HLA-DOA: variants seen among roughly 807,000 people sequenced by gnomAD.
HLA-DOA encodes HLA class II histocompatibility antigen, DO alpha chain.
A neutral mutation model predicts 22.9 loss-of-function variants in HLA-DOA; 27 were observed. That is an observed-to-expected ratio of 1.18 (90% CI 0.87 to 1.62). The LOEUF is 1.62. HLA-DOA is among the 40% of genes most tolerant of loss of function. The pLI is 0.00. For synonymous variants in HLA-DOA, 137 were observed against 138.6 expected (o/e 0.99, Z 0.08); for missense variants, 324 against 332.4 (o/e 0.97, Z 0.20).
Position 33,008,294 on chromosome 6 carries a change from G to GA in HLA-DOA, c.83-34dup, listed in dbSNP as rs145896834. 2.7e-3 allele frequency: 4,268 copies of GA among 1,596,668 alleles called. 83 individuals are homozygous for GA. In the African/African-American group the frequency reaches 0.042, roughly 16 times the overall value. ...TGGCGAGTTCAGGGTCAAGGAGAGA[G>GA]AAAAAAATGTGTCTGTCTCATCCAC... On this transcript the variant is annotated intron_variant, in intron 1 of 4. Transcript: ENST00000229829.
rs9276975 is a variant in HLA-DOA, at chr6:33,005,822, C to T, written c.*1016G>A. 20,304 of 152,170 alleles carry T rather than the reference C, an allele frequency of 0.13. 1,477 individuals carry two copies. Among genetic ancestry groups the T allele is most frequent in the East Asian group, 0.19 (966 of 5,128 alleles). The allele number at this position is 152,170 out of a possible 1,614,324, so 9.4% of individuals were successfully genotyped here. On this transcript the variant is annotated 3_prime_UTR_variant, in exon 5 of 5. Transcript: ENST00000229829. The stretch of plus-strand genomic sequence containing the variant: ...TTTCCACCTCTTGGCCTCAAGCAGT[C>T]CTGTCCCCTTGGCCTCCCAAAGTGC...
In HLA-DOA at chr6:33,007,602, A is replaced by G. The variant is rs1562011917; in HGVS notation, c.332-10T>C. The G allele has an allele frequency of 6.2e-7, 1 of 1,606,714 alleles. No individual in the cohort carries two copies. On this transcript the variant is annotated splice_polypyrimidine_tract_variant and intron_variant, in intron 2 of 4. Transcript: ENST00000229829. ...GTCACCCGTGGAGGCACTAGGAGGAACAGGCCCTGAGTCCACAGGCTCATC... is the reference window on the plus strand; with the variant it reads ...GTCACCCGTGGAGGCACTAGGAGGAGCAGGCCCTGAGTCCACAGGCTCATC...
In HLA-DOA at chr6:33,006,659, A is replaced by C; in HGVS notation, c.*179T>G. The C allele has an allele frequency of 1.1e-6, 1 of 878,330 alleles. No homozygotes were observed. The highest frequency in any genetic ancestry group is 1.9e-6 in the Non-Finnish European group (1 of 535,502). The allele number at this position is 878,330 out of a possible 1,614,324, so 54.4% of individuals were successfully genotyped here. A position where few individuals can be genotyped will look rare whatever the true frequency, so the allele number is the denominator to read the frequency against. On this transcript the variant is annotated 3_prime_UTR_variant, in exon 5 of 5. Coordinates refer to ENST00000229829, the MANE Select transcript of HLA-DOA (RefSeq NM_002119.4). ...TGGGAAGGGAAGCTAGTAGGTGTCCAACAAACCCTGCCATGAATACTGGGG... is the reference window on the plus strand; with the variant it reads ...TGGGAAGGGAAGCTAGTAGGTGTCCCACAAACCCTGCCATGAATACTGGGG...
chr6:33,008,247 A>G lies in HLA-DOA; in HGVS notation c.97T>C (p.Ser33Pro), dbSNP rs771526168. Residue 33 changes from serine to proline, a missense_variant, in exon 2 of 5, where the codon TCC becomes CCC. Coordinates refer to ENST00000229829, the MANE Select transcript of HLA-DOA (RefSeq NM_002119.4). ...AGATKADHMG[S>P]YGPAFYQSYG... Reference sequence around the variant, plus strand: ...GACTGGTAGAAGGCGGGTCCGTAGGAGCCCATGTGGTCAGCTGTGTTTGGC... The same window carrying G: ...GACTGGTAGAAGGCGGGTCCGTAGGGGCCCATGTGGTCAGCTGTGTTTGGC... 2 of 1,612,928 alleles carry G rather than the reference A, an allele frequency of 1.2e-6. No homozygotes were observed. The highest frequency in any genetic ancestry group is 1.7e-6 in the Non-Finnish European group (2 of 1,180,002).
At chr6:33,006,873 G>C (rs2127549306) in intron 4 of HLA-DOA, 32 bp from the exon 5 acceptor site, 1 of 1,579,466 alleles carries the variant, frequency 6.3e-7, no homozygotes, top group South Asian at 1.1e-5. Flanking sequence ...GATCGAGGTT[G>C]CTCAATTTCA....
rs1280397189 is a variant in HLA-DOA at position 33,006,736 on chromosome 6, AC to A, written c.*101del. 1 of 1,599,432 alleles carries A rather than the reference AC, an allele frequency of 6.3e-7. No individual in the cohort carries two copies. Among genetic ancestry groups the A allele is most frequent in the Admixed American group, 1.7e-5 (1 of 60,006 alleles). The stretch of plus-strand genomic sequence containing the variant: ...GATGTTGATCCCACTCAAAGTCAGC[AC>A]AGCGGGATGCACTTAAAGGGCACTG... On this transcript the variant is annotated 3_prime_UTR_variant, in exon 5 of 5. Coordinates refer to ENST00000229829, the MANE Select transcript of HLA-DOA (RefSeq NM_002119.4).
In HLA-DOA at chr6:33,009,069, A is replaced by T. The variant is rs1780951257; in HGVS notation, c.82+386T>A. ...TCTCCCGAAGAACAAAGACAGGTAA[A>T]TAGTTAACTACCGGCATGGGCATAA... On this transcript the variant is annotated intron_variant, in intron 1 of 4. Transcript: ENST00000229829. This position sits in a 1 kb window ranked among gnomAD's most constrained non-coding sequence, Gnocchi z 4.8. Among the ~76,000 whole-genome samples the T allele has an allele frequency of 6.6e-6, 1 of 152,160 alleles. No individual in the cohort carries two copies. Among genetic ancestry groups the T allele is most frequent in the Non-Finnish European group, 1.5e-5 (1 of 68,024 alleles).
chr6:33,006,435 C>A lies in HLA-DOA; in HGVS notation c.*403G>T. 1 of 326,944 alleles carries A rather than the reference C, an allele frequency of 3.1e-6. No individual in the cohort carries two copies. Among genetic ancestry groups the A allele is most frequent in the Non-Finnish European group, 5.8e-6 (1 of 173,866 alleles). The allele number at this position is 326,944 out of a possible 1,614,324, so 20.3% of individuals were successfully genotyped here. On this transcript the variant is annotated 3_prime_UTR_variant, in exon 5 of 5. Coordinates refer to ENST00000229829, the MANE Select transcript of HLA-DOA (RefSeq NM_002119.4). ...AAGTCCATGTGAAATGGCTCATTCACAAAGTAACACACAATGGGCCAAATG... is the reference window on the plus strand; with the variant it reads ...AAGTCCATGTGAAATGGCTCATTCAAAAAGTAACACACAATGGGCCAAATG...
Position 33,005,109 on chromosome 6 carries a change from C to T in HLA-DOA, c.*1729G>A, listed in dbSNP as rs1263596097. On this transcript the variant is annotated 3_prime_UTR_variant, in exon 5 of 5. Coordinates refer to ENST00000229829, the MANE Select transcript of HLA-DOA (RefSeq NM_002119.4). ...GGGGATCCCCCTTTCCCATGACCCC[C>T]GATGGCACCTGATTACGTCACTGGG... 6.6e-6 allele frequency: 1 copy of T among 152,574 alleles called. No individual in the cohort carries two copies. The highest frequency in any genetic ancestry group is 1.9e-4 in the East Asian group (1 of 5,194). The allele number at this position is 152,574 out of a possible 1,614,324, so 9.5% of individuals were successfully genotyped here. A position where few individuals can be genotyped will look rare whatever the true frequency, so the allele number is the denominator to read the frequency against.
intron 4 of HLA-DOA, 115 bp downstream of exon 4, chr6:33,006,965 C>A: frequency 1.4e-6 from 2 of 1,480,596 alleles, no homozygotes; most frequent in Non-Finnish European, 1.9e-6. Flanking sequence ...TTTCTCCCTG[C>A]CCATTTCTTT....
Position 33,007,488 on chromosome 6 carries a change from T to A in HLA-DOA, c.436A>T (p.Thr146Ser). 1.2e-6 allele frequency: 2 copies of A among 1,612,716 alleles called. No individual in the cohort carries two copies. The highest frequency in any genetic ancestry group is 1.7e-6 in the Non-Finnish European group (2 of 1,179,908). ...ACAGTTTGGCCGTTGCGCAGCCAGG[T>A]GATATTGATCACAGGGGGGAAGATG... ...DNIFPPVINITWLRNGQTVTE... is the reference protein window; with the variant it reads ...DNIFPPVINISWLRNGQTVTE... Residue 146 changes from threonine to serine, a missense_variant, in exon 3 of 5, where the codon ACC (threonine) becomes TCC (serine). By Grantham distance (58) the Thr-to-Ser change is moderately conservative. Coordinates refer to ENST00000229829, the MANE Select transcript of HLA-DOA (RefSeq NM_002119.4).
Position 33,009,207 on chromosome 6 carries a change from A to G in HLA-DOA, c.82+248T>C, listed in dbSNP as rs761711979. On this transcript the variant is annotated intron_variant, in intron 1 of 4. Coordinates refer to ENST00000229829, the MANE Select transcript of HLA-DOA (RefSeq NM_002119.4). This position sits in a 1 kb window ranked among gnomAD's most constrained non-coding sequence, Gnocchi z 4.8. ...GAGGTTTGGGTCTCAGGAAGGAGGA[A>G]GGAATGAGGAGAAATCTGAACGTCA... Among the ~76,000 whole-genome samples, 1 of 152,096 alleles carries G rather than the reference A, an allele frequency of 6.6e-6. No individual in the cohort carries two copies.
rs145505686 is a variant in HLA-DOA at position 33,007,365 on chromosome 6, A to G, written c.559T>C (p.Tyr187His). The G allele has an allele frequency of 1.9e-6, 3 of 1,608,884 alleles. No homozygotes were observed. Among genetic ancestry groups the G allele is most frequent in the Non-Finnish European group, 2.5e-6 (3 of 1,177,300 alleles). Residue 187 changes from tyrosine to histidine, a missense_variant, in exon 3 of 5, where the codon TAT (tyrosine) becomes CAT (histidine). Tyr to His is a moderately conservative substitution (Grantham distance 83). Coordinates refer to ENST00000229829, the MANE Select transcript of HLA-DOA (RefSeq NM_002119.4). ...LPFVPSAEDVYDCQVEHWGLD... is the reference protein window; with the variant it reads ...LPFVPSAEDVHDCQVEHWGLD... ...CCCCAGTGCTCCACCTGGCAGTCATAGACGTCCTCGGCTGAGGGCACGAAG... is the reference window on the plus strand; with the variant it reads ...CCCCAGTGCTCCACCTGGCAGTCATGGACGTCCTCGGCTGAGGGCACGAAG...
intron 4 of HLA-DOA, 100 bp from the exon 5 acceptor site, chr6:33,006,941 C>G: frequency 6.9e-7 from 1 of 1,446,336 alleles, no homozygotes; most frequent in Non-Finnish European, 9.7e-7. Flanking sequence ...CTCTCTCACC[C>G]CACCTCTGCT....
chr6:33,007,471 G>A lies in HLA-DOA; in HGVS notation c.453C>T (p.Gly151=). 1 of 1,612,370 alleles carries A rather than the reference G, an allele frequency of 6.2e-7. No homozygotes were observed. The highest frequency in any genetic ancestry group is 1.3e-5 in the African/African-American group (1 of 75,066). Reference sequence around the variant, plus strand: ...GGGCCACTCCCTCAGTGACAGTTTGGCCGTTGCGCAGCCAGGTGATATTGA... The same window carrying A: ...GGGCCACTCCCTCAGTGACAGTTTGACCGTTGCGCAGCCAGGTGATATTGA... ...PVINITWLRN[G]QTVTEGVAQT... is the part of the protein sequence containing the mutation. The change falls in exon 3 of 5, where the codon GGC becomes GGT. Residue 151 remains glycine (G), a synonymous_variant. Transcript: ENST00000229829.
chr6:33,008,834 A>G (rs1308355682), intron 1 of HLA-DOA, among the ~76,000 whole-genome samples: 1 of 152,190 alleles, frequency 6.6e-6, no homozygotes, highest in East Asian at 1.9e-4. Context: ...CAATTCCTCC[A>G]TCTCAGAGCA....
At chr6:33,007,853 G>A (rs1349733710) in intron 2 of HLA-DOA, 160 bp downstream of exon 2, 2 of 1,043,286 alleles carry the variant, frequency 1.9e-6, no homozygotes, top group African/African-American at 3.2e-5. Context: ...GGGTGCCAAA[G>A]GGGTCTGGGA....
Position 33,007,368 on chromosome 6 carries a change from C to T in HLA-DOA, c.556G>A (p.Val186Ile), listed in dbSNP as rs556666189. ...CAGTGCTCCACCTGGCAGTCATAGA[C>T]GTCCTCGGCTGAGGGCACGAAGGGC... ...YLPFVPSAED[V>I]YDCQVEHWGL... The change falls in exon 3 of 5, where the codon GTC becomes ATC. Residue 186 changes from valine to isoleucine, a missense_variant. Coordinates refer to ENST00000229829, the MANE Select transcript of HLA-DOA (RefSeq NM_002119.4). The T allele has an allele frequency of 5.0e-6, 8 of 1,607,568 alleles. No individual in the cohort carries two copies. Among genetic ancestry groups the T allele is most frequent in the South Asian group, 3.3e-5 (3 of 90,506 alleles).
intron 2 of HLA-DOA, 119 bp from the exon 3 acceptor site, chr6:33,007,711 A>G: frequency 8.4e-7 from 1 of 1,193,510 alleles, no homozygotes; most frequent in Non-Finnish European, 1.2e-6. Flanking sequence ...GCTCTGGGGT[A>G]TCCACTGGGG....
Sources: gnomAD v4.1 joint callset for allele counts (sites outside exome capture counted in the v4.1 genomes callset) on GRCh38, gnomAD v4.1.1 for gene constraint, Gnocchi (gnomAD v3.1) non-coding constraint, MANE v1.5 for transcripts, NCBI Gene and HGNC (gene_info 2026-07-23, HGNC 2026-07-21) for gene names.